The following BCKDHB variants were observed in gnomAD, a reference collection of about 807,000 sequenced individuals.
BCKDHB encodes branched chain keto acid dehydrogenase E1 subunit beta.
A neutral mutation model predicts 48.5 loss-of-function variants in BCKDHB; 41 were observed. The ratio of observed to expected loss-of-function variants is 0.85; its 90% CI spans 0.66 to 1.10. The LOEUF (loss-of-function observed/expected upper bound fraction) is 1.10, where lower values mean the gene tolerates loss of function less well. BCKDHB is among the 50% of genes least tolerant of loss of function. The probability of loss-of-function intolerance (pLI) is 0.00; values close to 1 mark genes in which losing one functional copy is unlikely to be tolerated. For missense variants in BCKDHB, 496 were observed against 494.2 expected (o/e 1.00, Z -0.03); for synonymous variants, 201 against 174.8 (o/e 1.15, Z -1.18).
At chr6:80,229,078 C>T (rs975507593) in intron 8 of BCKDHB, among the ~76,000 whole-genome samples, 7 of 152,130 alleles carry the variant, frequency 4.6e-5, no homozygotes, top group Admixed American at 1.3e-4. Flanking sequence ...TTGTTTTTTT[C>T]ATTTAACAGA....
chr6:80,246,007 G>A (rs1582432587), intron 8 of BCKDHB, among the ~76,000 whole-genome samples: 1 of 152,056 alleles, frequency 6.6e-6, no homozygotes, highest in African/African-American at 2.4e-5. Flanking sequence ...GCCTGGAAGG[G>A]GGAGGTTGCA....
chr6:80,230,026 GTTTTTTT>G (rs551632775), intron 8 of BCKDHB, among the ~76,000 whole-genome samples: 2 of 60,646 alleles, frequency 3.3e-5, no homozygotes, highest in African/African-American at 1.4e-4. Context: ...TTTTTAGGTT[GTTTTTTT>G]TTTTTTTTTT....
chr6:80,232,842 C>T (rs965549518), intron 8 of BCKDHB, among the ~76,000 whole-genome samples: 2 of 151,128 alleles, frequency 1.3e-5, no homozygotes, highest in African/African-American at 4.9e-5. Context: ...TTATGGCAAG[C>T]ATATTAAAAA....
chr6:80,379,110 G>A, the BCKDHB span, among the ~76,000 whole-genome samples: 1 of 152,020 alleles, frequency 6.6e-6, no homozygotes, highest in Non-Finnish European at 1.5e-5. Flanking sequence ...GTGTCAGCCT[G>A]ATGTGAAAAA....
chr6:80,331,877 A>G (rs963496716), intron 9 of BCKDHB, among the ~76,000 whole-genome samples: 16 of 152,186 alleles, frequency 1.1e-4, no homozygotes, highest in African/African-American at 3.6e-4. Flanking sequence ...GATTTGCTAC[A>G]TAATTAGCAT....
rs546360011 is a variant in BCKDHB at position 80,159,104 on chromosome 6, G to A, written c.344-8574G>A. Among the ~76,000 whole-genome samples, 8 of 152,172 alleles carry A rather than the reference G, an allele frequency of 5.3e-5. No homozygotes were observed. In the East Asian group the frequency reaches 1.5e-3, roughly 29 times the overall value. On this transcript the variant is annotated intron_variant, in intron 3 of 9. Coordinates refer to ENST00000320393, the MANE Select transcript of BCKDHB (RefSeq NM_183050.4). ...TAATAATAAGGTGACTATAACCCTT[G>A]GTTTACCCAGGTTAGTCCTGTTTGC...
intron 1 of BCKDHB, among the ~76,000 whole-genome samples, chr6:80,116,768 G>C (rs746116810): frequency 3.3e-5 from 5 of 152,156 alleles, no homozygotes; most frequent in Non-Finnish European, 7.3e-5. Flanking sequence ...TTACCAGTCT[G>C]GTTTTAAAAT....
chr6:80,304,728 T>A (rs1156658860), intron 9 of BCKDHB, among the ~76,000 whole-genome samples: 1 of 152,182 alleles, frequency 6.6e-6, no homozygotes, highest in Admixed American at 6.5e-5. Flanking sequence ...CCAGACCAAG[T>A]TGGGTTTATT....
the BCKDHB span, among the ~76,000 whole-genome samples, chr6:80,369,778 A>T: frequency 3.5e-3 from 537 of 152,346 alleles, 3 homozygotes; most frequent in Admixed American, 4.9e-3. Context: ...TTTTATGACC[A>T]AGGAATGGAA....
At chr6:80,373,400 T>G in the BCKDHB span, among the ~76,000 whole-genome samples, 10 of 152,132 alleles carry the variant, frequency 6.6e-5, no homozygotes, top group African/African-American at 9.7e-5. Flanking sequence ...AGAACCAGTT[T>G]TTGTTTTATT....
chr6:80,459,058 G>A, the BCKDHB span, among the ~76,000 whole-genome samples: 1 of 152,124 alleles, frequency 6.6e-6, no homozygotes. Context: ...AGCCACTATA[G>A]AAAACAGTAT....
chr6:80,119,575 G>A (rs774961025), intron 1 of BCKDHB, among the ~76,000 whole-genome samples: 18 of 152,010 alleles, frequency 1.2e-4, no homozygotes, highest in Admixed American at 3.9e-4. Flanking sequence ...CACCCCCCTT[G>A]GCCTCACAAA....
intron 9 of BCKDHB, among the ~76,000 whole-genome samples, chr6:80,334,689 G>T (rs968401227): frequency 6.6e-6 from 1 of 151,166 alleles, no homozygotes; most frequent in African/African-American, 2.4e-5. Context: ...ATCTCTTTTG[G>T]CATTGTGTAG....
Position 80,273,116 on chromosome 6 carries a change from T to C in BCKDHB, c.952-19T>C, listed in dbSNP as rs767009413. ...AATAGATATTCTTTTTAACATCAGG[T>C]TTTTCTTTTCTCTTTCAGTCTGTGA... On this transcript the variant is annotated intron_variant, in intron 8 of 9. Transcript: ENST00000320393. The C allele has an allele frequency of 6.2e-7, 1 of 1,600,538 alleles. No homozygotes were observed. Among genetic ancestry groups the C allele is most frequent in the Non-Finnish European group, 8.6e-7 (1 of 1,168,216 alleles).
chr6:80,198,187 CTG>C (rs1247741872), intron 6 of BCKDHB, among the ~76,000 whole-genome samples: 1 of 152,170 alleles, frequency 6.6e-6, no homozygotes, highest in Non-Finnish European at 1.5e-5. Context: ...GCCGTAGACA[CTG>C]TGTAAATCAA....
intron 6 of BCKDHB, among the ~76,000 whole-genome samples, chr6:80,184,362 A>G (rs1232097293): frequency 6.6e-6 from 1 of 152,178 alleles, no homozygotes; most frequent in Non-Finnish European, 1.5e-5. Context: ...TCTTGAAGAC[A>G]GACAGTAGAT....
At chr6:80,274,380 A>G (rs991414668) in intron 9 of BCKDHB, among the ~76,000 whole-genome samples, 7 of 152,004 alleles carry the variant, frequency 4.6e-5, no homozygotes, top group African/African-American at 1.7e-4. Context: ...TACTATATCA[A>G]TTAAAATTTA....
intron 8 of BCKDHB, among the ~76,000 whole-genome samples, chr6:80,257,918 G>T (rs1777124847): frequency 6.6e-6 from 1 of 151,888 alleles, no homozygotes; most frequent in African/African-American, 2.4e-5. Flanking sequence ...AATAAGGACA[G>T]ATCTTCAAGT....
chr6:80,207,347 C>A (rs1403887397), intron 8 of BCKDHB, among the ~76,000 whole-genome samples: 1 of 151,694 alleles, frequency 6.6e-6, no homozygotes, highest in African/African-American at 2.4e-5. Flanking sequence ...AGGTTATAAT[C>A]AAGGATACAA....
Sources: allele counts gnomAD v4.1 joint callset (sites outside exome capture counted in the v4.1 genomes callset), GRCh38; gene constraint gnomAD v4.1.1; transcripts MANE v1.5; gene names NCBI Gene and HGNC (gene_info 2026-07-23, HGNC 2026-07-21).